The following FNBP1 variants were observed in gnomAD, a reference collection of about 807,000 sequenced individuals.
FNBP1 encodes formin-binding protein 1.
Under a neutral mutation model 90.6 loss-of-function variants are expected in FNBP1, and 26 were observed. That is an observed-to-expected ratio of 0.29 (90% confidence interval 0.21 to 0.40). FNBP1 has a LOEUF of 0.40. Ranked by LOEUF, FNBP1 falls within the 10% of genes least tolerant of loss-of-function variation. FNBP1 has a pLI of 1.00. For synonymous variants in FNBP1, 260 were observed against 265.2 expected, an observed-to-expected ratio of 0.98 and a Z score of 0.19; for missense variants, 635 against 768.0, an observed-to-expected ratio of 0.83 and a Z score of 2.05.
In FNBP1 at chr9:130,000,816, TTGTC is replaced by T. The variant is rs574505429; in HGVS notation, c.25-5862_25-5859del. 1.7e-3 allele frequency among the ~76,000 whole-genome samples: 258 copies of T among 152,302 alleles called. 2 individuals carry two copies. Among genetic ancestry groups the T allele is most frequent in the Non-Finnish European group, 2.6e-3 (179 of 68,026 alleles). ...AAATGTTTGCCAGATACTCAAAAGT[TTGTC>T]TGTCGCTCATTCTTTGAAGTAAAAA... On this transcript the variant is annotated intron_variant, in intron 1 of 16. Coordinates refer to ENST00000446176, the MANE Select transcript of FNBP1 (RefSeq NM_015033.3).
intron 2 of FNBP1, among the ~76,000 whole-genome samples, chr9:129,992,366 G>C (rs1343144962): frequency 6.6e-6 from 1 of 152,108 alleles, no homozygotes; most frequent in Non-Finnish European, 1.5e-5. Flanking sequence ...TGACGAGACT[G>C]ATATGCACAC....
chr9:129,959,265 C>T (rs1185183554), intron 4 of FNBP1, among the ~76,000 whole-genome samples: 1 of 151,860 alleles, frequency 6.6e-6, no homozygotes, highest in Non-Finnish European at 1.5e-5. Context: ...CCACTGCACT[C>T]CAGCCTGAGT....
rs1484326160 is a variant in FNBP1, at chr9:129,888,297, G to T, written c.*2242C>A. 4.3e-6 allele frequency: 1 copy of T among 232,422 alleles called. No individual in the cohort carries two copies. Among genetic ancestry groups the T allele is most frequent in the East Asian group, 6.1e-5 (1 of 16,476 alleles). The allele number at this position is 232,422 out of a possible 1,614,324, so 14.4% of individuals were successfully genotyped here. A position where few individuals can be genotyped will look rare whatever the true frequency, so the allele number is the denominator to read the frequency against. Reference sequence around the variant, plus strand: ...CTCTAAAATCCCATTTTAAAGAACCGTTTCACATCCTCGTGGAGTGGAGAG... The same window carrying T: ...CTCTAAAATCCCATTTTAAAGAACCTTTTCACATCCTCGTGGAGTGGAGAG... On this transcript the variant is annotated 3_prime_UTR_variant, in exon 17 of 17. Coordinates refer to ENST00000446176, the MANE Select transcript of FNBP1 (RefSeq NM_015033.3).
intron 6 of FNBP1, among the ~76,000 whole-genome samples, chr9:129,931,361 T>C (rs1329781582): frequency 1.3e-5 from 2 of 151,960 alleles, no homozygotes; most frequent in African/African-American, 2.4e-5. Flanking sequence ...CCTAACACTT[T>C]GGGAGGCTGA....
At chr9:129,946,518 A>G (rs1052320202) in intron 6 of FNBP1, among the ~76,000 whole-genome samples, 1 of 152,232 alleles carries the variant, frequency 6.6e-6, no homozygotes, top group Non-Finnish European at 1.5e-5. Context: ...CTGGCCATCC[A>G]GTACTCAGAA....
chr9:129,957,340 C>T lies in FNBP1; in HGVS notation c.513+20G>A. 1.9e-6 allele frequency: 3 copies of T among 1,572,662 alleles called. No individual in the cohort carries two copies. The highest frequency in any genetic ancestry group is 2.6e-6 in the Non-Finnish European group (3 of 1,145,114). ...GGCGTGAGCCACCGTGCCCGGCCCACACTTGAGCTTTCACCTCACCTTTTC... is the reference window on the plus strand; with the variant it reads ...GGCGTGAGCCACCGTGCCCGGCCCATACTTGAGCTTTCACCTCACCTTTTC... On this transcript the variant is annotated intron_variant, in intron 6 of 16. Coordinates refer to ENST00000446176, the MANE Select transcript of FNBP1 (RefSeq NM_015033.3). The surrounding 1 kb of genome is among the most constrained non-coding windows in gnomAD (Gnocchi z 4.3).
At chr9:129,946,566 C>T (rs2045322807) in intron 6 of FNBP1, among the ~76,000 whole-genome samples, 3 of 152,178 alleles carry the variant, frequency 2.0e-5, no homozygotes, top group Admixed American at 2.0e-4. Context: ...GCACCATTAA[C>T]TTTTGGTGGA....
rs1242294749 is a variant in FNBP1, at chr9:129,887,514, T to C, written c.*3025A>G. ...AATATTTCTGGAAAAACACTTAGCA[T>C]GAACGTCACTTTTTGACGTCGTGTA... On this transcript the variant is annotated 3_prime_UTR_variant, in exon 17 of 17. Coordinates refer to ENST00000446176, the MANE Select transcript of FNBP1 (RefSeq NM_015033.3). The C allele has an allele frequency of 4.9e-6, 1 of 206,162 alleles. No individual in the cohort carries two copies. The highest frequency in any genetic ancestry group is 9.9e-6 in the Non-Finnish European group (1 of 100,916). The allele number at this position is 206,162 out of a possible 1,614,324, so 12.8% of individuals were successfully genotyped here. A position where few individuals can be genotyped will look rare whatever the true frequency, so the allele number is the denominator to read the frequency against.
chr9:129,943,910 G>A (rs567282532), intron 6 of FNBP1, among the ~76,000 whole-genome samples: 7 of 147,334 alleles, frequency 4.8e-5, no homozygotes, highest in African/African-American at 1.0e-4. Flanking sequence ...GGAGAGTGGC[G>A]TGAACCTGGG....
Position 129,927,313 on chromosome 9 carries a change from ATCC to A in FNBP1, c.668_670del (p.Arg223del). On this transcript the variant is annotated inframe_deletion, in exon 8 of 17. Transcript: ENST00000446176. ...CTTCATGGACTCTCCCATTCTCACAATCCTCCTTTCCTCCATCTCTTGTATTTT... is the reference window on the plus strand; with the variant it reads ...CTTCATGGACTCTCCCATTCTCACAATCCTTTCCTCCATCTCTTGTATTTT... 1.2e-6 allele frequency: 2 copies of A among 1,612,652 alleles called. No individual in the cohort carries two copies. The highest frequency in any genetic ancestry group is 1.7e-6 in the Non-Finnish European group (2 of 1,179,250).
chr9:129,890,175 C>T lies in FNBP1; in HGVS notation c.*364G>A. ...CCCGTGATGACACTTTCACAAAAGG[C>T]ACTGTGTGAAGCGCGGAAGGGCTGC... On this transcript the variant is annotated 3_prime_UTR_variant, in exon 17 of 17. Coordinates refer to ENST00000446176, the MANE Select transcript of FNBP1 (RefSeq NM_015033.3). The surrounding 1 kb of genome is among the most constrained non-coding windows in gnomAD (Gnocchi z 5.8). The T allele has an allele frequency of 2.5e-6, 1 of 400,292 alleles. No individual in the cohort carries two copies. Among genetic ancestry groups the T allele is most frequent in the Non-Finnish European group, 4.5e-6 (1 of 220,530 alleles). 24.8% of individuals were successfully genotyped at this position (400,292 alleles called of 1,614,324 possible).
At position 129,981,565 on chromosome 9, in the gene FNBP1, T is replaced by G. The variant is rs148971648; in HGVS notation, c.141-2191A>C. 1.3e-4 allele frequency among the ~76,000 whole-genome samples: 20 copies of G among 152,268 alleles called. No individual in the cohort carries two copies. In the East Asian group the frequency reaches 3.1e-3, roughly 23 times the overall value. Reference sequence around the variant, plus strand: ...TGTGATAATCAATTTACAATTTTGATCATGGTATGTTTTGCATACCAAGTG... The same window carrying G: ...TGTGATAATCAATTTACAATTTTGAGCATGGTATGTTTTGCATACCAAGTG... On this transcript the variant is annotated intron_variant, in intron 2 of 16. Transcript: ENST00000446176.
chr9:129,892,370 C>CAA (rs2035189733), intron 16 of FNBP1, among the ~76,000 whole-genome samples: 1 of 39,754 alleles, frequency 2.5e-5, no homozygotes, highest in African/African-American at 4.9e-5. Flanking sequence ...ATCGTAGACA[C>CAA]ACACACACAC....
upstream of FNBP1, among the ~76,000 whole-genome samples, chr9:130,043,935 T>G (rs541036803): frequency 6.6e-6 from 1 of 152,296 alleles, no homozygotes; most frequent in Admixed American, 6.5e-5. Flanking sequence ...GGACAATTGC[T>G]CCACCTCTGG....
rs1037030549 is a variant in FNBP1 at position 129,888,867 on chromosome 9, T to C, written c.*1672A>G. ...TCCGTCCCTGTCCCTTTGGCTTCTA[T>C]AGGACTTCCTTGTCTTAGATTCATA... On this transcript the variant is annotated 3_prime_UTR_variant, in exon 17 of 17. Transcript: ENST00000446176. The C allele has an allele frequency of 3.4e-5, 8 of 232,306 alleles. No individual in the cohort carries two copies. Among genetic ancestry groups the C allele is most frequent in the Non-Finnish European group, 6.8e-5 (8 of 117,518 alleles). 14.4% of individuals were successfully genotyped at this position (232,306 alleles called of 1,614,324 possible).
rs140437832 is a variant in FNBP1 at position 130,003,508 on chromosome 9, G to A, written c.25-8550C>T. ...TGTAATCCCAGCTACTCGGGAGGCT[G>A]AGGCAGGAGAATAACTTCAACCTGG... On this transcript the variant is annotated intron_variant, in intron 1 of 16. Transcript: ENST00000446176. 7.1e-3 allele frequency among the ~76,000 whole-genome samples: 1,078 copies of A among 152,264 alleles called. 14 individuals carry two copies. The highest frequency in any genetic ancestry group is 0.024 in the African/African-American group (988 of 41,550).
intron 2 of FNBP1, among the ~76,000 whole-genome samples, chr9:129,983,690 A>G (rs1442693158): frequency 1.3e-5 from 2 of 152,048 alleles, no homozygotes; most frequent in Non-Finnish European, 2.9e-5. Context: ...ACATACCTGA[A>G]GCCCCAGCTA....
At chr9:129,974,111 C>T (rs980666908) in intron 4 of FNBP1, among the ~76,000 whole-genome samples, 2 of 152,178 alleles carry the variant, frequency 1.3e-5, no homozygotes, top group Non-Finnish European at 2.9e-5. Context: ...CGTGAGTCAC[C>T]GCGCCCAGCC....
At chr9:129,916,109 TC>T (rs1208594304) in intron 10 of FNBP1, 129 bp from the exon 11 acceptor site, 1 of 660,282 alleles carries the variant, frequency 1.5e-6, no homozygotes, top group Non-Finnish European at 2.7e-6. Flanking sequence ...AACACACACG[TC>T]TACCCGCTGA....
Sources: gnomAD v4.1 joint callset for allele counts (sites outside exome capture counted in the v4.1 genomes callset) on GRCh38, gnomAD v4.1.1 for gene constraint, Gnocchi (gnomAD v3.1) non-coding constraint, MANE v1.5 for transcripts, NCBI Gene and HGNC (gene_info 2026-07-23, HGNC 2026-07-21) for gene names.